Variants in ENOSF1 observed in about 807,000 individuals in gnomAD.
ENOSF1 encodes the protein mitochondrial enolase superfamily member 1.
Under a neutral mutation model 68.2 loss-of-function variants are expected in ENOSF1, and 73 were observed. The observed-to-expected ratio is 1.07, with a 90% CI of 0.89 to 1.30. The LOEUF is 1.30. Among genes scored for constraint, ENOSF1 ranks in the 50% most tolerant of loss-of-function variants. ENOSF1 has a pLI of 0.00. For synonymous variants in ENOSF1, 223 were observed against 210.4 expected (o/e 1.06, Z -0.52); for missense variants, 589 against 554.5 (o/e 1.06, Z -0.62).
At chr18:679,726 C>A (rs2075886406) in intron 11 of ENOSF1, among the ~76,000 whole-genome samples, 1 of 152,144 alleles carries the variant, frequency 6.6e-6, no homozygotes, top group Non-Finnish European at 1.5e-5. Context: ...CACCTGGCCC[C>A]TGAACACTAC....
downstream of ENOSF1, among the ~76,000 whole-genome samples, chr18:667,257 T>A (rs172296): frequency 9.5e-4 from 20 of 21,092 alleles, no homozygotes; most frequent in Admixed American, 1.2e-3. Context: ...ATGGTGATGG[T>A]GATGGAGATG....
intron 2 of ENOSF1, among the ~76,000 whole-genome samples, chr18:702,177 T>C (rs1598770457): frequency 6.9e-6 from 1 of 144,910 alleles, no homozygotes; most frequent in African/African-American, 2.6e-5. Context: ...GGCAGGAGAA[T>C]CGCTTGAACC....
chr18:674,236 G>A lies in ENOSF1; in HGVS notation c.*69C>T. ...GGTAGGATTTTTTAAATCCATTTTT[G>A]TAAAACTATTTCCAAGAAATTTTAA... On this transcript the variant is annotated 3_prime_UTR_variant, in exon 16 of 16. Transcript: ENST00000647584. The A allele has an allele frequency of 9.1e-7, 1 of 1,098,818 alleles. No homozygotes were observed. 68.1% of individuals were successfully genotyped at this position (1,098,818 alleles called of 1,614,324 possible).
Position 670,939 on chromosome 18 carries a change from C to G in ENOSF1, c.*3366G>C, listed in dbSNP as rs2075014858. 1 of 1,529,522 alleles carries G rather than the reference C, an allele frequency of 6.5e-7. No individual in the cohort carries two copies. Among genetic ancestry groups the G allele is most frequent in the South Asian group, 1.2e-5 (1 of 82,428 alleles). 94.7% of individuals were successfully genotyped at this position (1,529,522 alleles called of 1,614,324 possible). On this transcript the variant is annotated 3_prime_UTR_variant, in exon 16 of 16. Coordinates refer to ENST00000647584, the MANE Select transcript of ENOSF1 (RefSeq NM_017512.7). ...TCTTCAGTTCTTTAATATGGGAAAA[C>G]AAATTGCAGAGTTTAGTCTCTGATT...
intron 8 of ENOSF1, 87 bp downstream of exon 8, chr18:690,462 A>T: frequency 7.0e-7 from 1 of 1,422,112 alleles, no homozygotes; most frequent in Non-Finnish European, 9.9e-7. Context: ...GAAGTGAGGT[A>T]CTGAGAGTAG....
At chr18:705,731 G>A (rs1251001932) in intron 2 of ENOSF1, among the ~76,000 whole-genome samples, 4 of 151,956 alleles carry the variant, frequency 2.6e-5, no homozygotes, top group Admixed American at 1.3e-4. Flanking sequence ...TGAAAAGGCC[G>A]GGTGTGATGG....
intron 3 of ENOSF1, among the ~76,000 whole-genome samples, chr18:694,725 G>A (rs1164950714): frequency 1.3e-5 from 2 of 151,802 alleles, no homozygotes; most frequent in Non-Finnish European, 2.9e-5. Flanking sequence ...CCCACCTAAA[G>A]GTTAAGTTTA....
intron 3 of ENOSF1, among the ~76,000 whole-genome samples, chr18:694,703 T>C (rs2847600): frequency 0.34 from 51,120 of 151,324 alleles, 8,844 homozygotes; most frequent in Admixed American, 0.37. Flanking sequence ...AATTAAAAGG[T>C]AGCAATAGAA....
At chr18:707,148 C>T (rs2145477563) in intron 1 of ENOSF1, among the ~76,000 whole-genome samples, 1 of 152,116 alleles carries the variant, frequency 6.6e-6, no homozygotes, top group Non-Finnish European at 1.5e-5. Context: ...CACCCATTTT[C>T]AATTAGGTTA....
At chr18:676,882 A>C (rs2075571834) in intron 14 of ENOSF1, among the ~76,000 whole-genome samples, 1 of 152,244 alleles carries the variant, frequency 6.6e-6, no homozygotes, top group South Asian at 2.1e-4. Flanking sequence ...ATTTAATTCC[A>C]GGAGACAAGA....
intron 12 of ENOSF1, 148 bp from the exon 13 acceptor site, chr18:678,020 T>C: frequency 4.2e-6 from 4 of 959,882 alleles, no homozygotes; most frequent in Non-Finnish European, 6.0e-6. Flanking sequence ...TTGTTCTCGC[T>C]GGGCATGAGG....
rs903554693 is a variant in ENOSF1 at position 671,279 on chromosome 18, TA to T, written c.*3025del. ...GAAAAGCTACACTAAATTATTTTTT[TA>T]AAAAAAGCCTTGCGGTGTCTGCATA... On this transcript the variant is annotated 3_prime_UTR_variant, in exon 16 of 16. Transcript: ENST00000647584. 6 of 835,826 alleles carry T rather than the reference TA, an allele frequency of 7.2e-6. No homozygotes were observed. Among genetic ancestry groups the T allele is most frequent in the Non-Finnish European group, 1.0e-5 (5 of 492,970 alleles). 51.8% of individuals were successfully genotyped at this position (835,826 alleles called of 1,614,324 possible).
At position 670,960 on chromosome 18, in the gene ENOSF1, T is replaced by A; in HGVS notation, c.*3345A>T. 1 of 1,417,796 alleles carries A rather than the reference T, an allele frequency of 7.1e-7. No homozygotes were observed. The highest frequency in any genetic ancestry group is 9.6e-7 in the Non-Finnish European group (1 of 1,044,294). The allele number at this position is 1,417,796 out of a possible 1,614,324, so 87.8% of individuals were successfully genotyped here. On this transcript the variant is annotated 3_prime_UTR_variant, in exon 16 of 16. Transcript: ENST00000647584. Reference sequence around the variant, plus strand: ...AAAACAAATTGCAGAGTTTAGTCTCTGATTAGCTTTTAAATTTGATATGTG... The same window carrying A: ...AAAACAAATTGCAGAGTTTAGTCTCAGATTAGCTTTTAAATTTGATATGTG...
intron 14 of ENOSF1, chr18:675,626 C>T (rs1031956033): frequency 7.4e-6 from 4 of 541,512 alleles, no homozygotes; most frequent in Admixed American, 3.1e-5. Context: ...CATGAACACA[C>T]GAAGTCCCTC....
At chr18:703,555 TTAC>T (rs1163362547) in intron 2 of ENOSF1, among the ~76,000 whole-genome samples, 1 of 152,152 alleles carries the variant, frequency 6.6e-6, no homozygotes, top group Non-Finnish European at 1.5e-5. Context: ...TAGTAAGTGG[TTAC>T]TACTCTGGGG....
rs2144363611 is a variant in ENOSF1, at chr18:670,771, G to A, written c.*3534C>T. The A allele has an allele frequency of 6.2e-7, 1 of 1,614,124 alleles. No individual in the cohort carries two copies. The highest frequency in any genetic ancestry group is 8.5e-7 in the Non-Finnish European group (1 of 1,180,028). On this transcript the variant is annotated 3_prime_UTR_variant, in exon 16 of 16. Transcript: ENST00000647584. ...TGAACAGTGAGCTGTCCTGCCAGCT[G>A]TACCAGAGATCGGGAGACATGGGCC...
intron 9 of ENOSF1, 144 bp downstream of exon 9, chr18:688,430 G>A (rs2076833284): frequency 2.1e-6 from 2 of 973,540 alleles, no homozygotes; most frequent in Admixed American, 2.3e-5. Flanking sequence ...GGCCTAAGGG[G>A]AAACTTCTCT....
At chr18:677,958 GC>G in intron 12 of ENOSF1, 86 bp from the exon 13 acceptor site, 1 of 1,466,574 alleles carries the variant, frequency 6.8e-7, no homozygotes, top group Non-Finnish European at 9.2e-7. Flanking sequence ...GCCACTCTAT[GC>G]CAATAATTAT....
At position 712,543 on chromosome 18, in the gene ENOSF1, G is replaced by A; in HGVS notation, c.45C>T (p.Arg15=). ...CGTGGCCCCCAAGCGACGTGGGGAA[G>A]CGCACGTCCCGGACCGAGAGCCGGG... ...RISRLSVRDV[R]FPTSLGGHGA... is the part of the protein sequence containing the mutation. Residue 15 remains arginine (R), a synonymous_variant, in exon 1 of 16, where the codon CGC becomes CGT. Transcript: ENST00000647584. 6.5e-7 allele frequency: 1 copy of A among 1,539,884 alleles called. No homozygotes were observed. Among genetic ancestry groups the A allele is most frequent in the Non-Finnish European group, 8.7e-7 (1 of 1,146,562 alleles).
Sources: gnomAD v4.1 joint callset for allele counts (sites outside exome capture counted in the v4.1 genomes callset) on GRCh38, gnomAD v4.1.1 for gene constraint, MANE v1.5 for transcripts, NCBI Gene and HGNC (gene_info 2026-07-23, HGNC 2026-07-21) for gene names.